THSD7A: variants seen among roughly 807,000 people sequenced by gnomAD.
THSD7A encodes thrombospondin type 1 domain containing 7A, also known as thrombospondin type-1 domain-containing protein 7A.
Under a neutral mutation model 231.3 loss-of-function variants are expected in THSD7A, and 96 were observed. That is an observed-to-expected ratio of 0.41 (90% CI 0.35 to 0.49). The LOEUF (loss-of-function observed/expected upper bound fraction) is 0.49. Ranked by LOEUF, THSD7A falls within the 20% of genes least tolerant of loss-of-function variation. The pLI is 0.05. For synonymous variants in THSD7A, 940 were observed against 743.3 expected (o/e 1.26, Z -4.30); for missense variants, 2,290 against 2,070.2 (o/e 1.11, Z -2.06).
chr7:11,829,802 T>TAA (rs36013878), intron 1 of THSD7A, among the ~76,000 whole-genome samples: 72 of 142,714 alleles, frequency 5.0e-4, no homozygotes, highest in African/African-American at 1.5e-3. Context: ...TTCCCTTTGG[T>TAA]AAAAAAAAAA....
At chr7:11,475,242 C>T (rs1786110882) in intron 7 of THSD7A, among the ~76,000 whole-genome samples, 1 of 152,030 alleles carries the variant, frequency 6.6e-6, no homozygotes, top group African/African-American at 2.4e-5. Context: ...TCTAACGTTT[C>T]CTGCTATTGT....
intron 1 of THSD7A, among the ~76,000 whole-genome samples, chr7:11,778,015 G>A (rs1440314759): frequency 6.7e-6 from 1 of 149,966 alleles, no homozygotes; most frequent in African/African-American, 2.4e-5. Context: ...AAATTAGCCG[G>A]GCGTAGTGGC....
At chr7:11,633,862 T>C (rs532675706) in intron 2 of THSD7A, among the ~76,000 whole-genome samples, 1 of 152,326 alleles carries the variant, frequency 6.6e-6, no homozygotes, top group African/African-American at 2.4e-5. Context: ...GCAGTTACTA[T>C]AATGTAATTT....
intron 1 of THSD7A, among the ~76,000 whole-genome samples, chr7:11,698,948 T>C (rs1261903912): frequency 1.4e-5 from 2 of 146,806 alleles, no homozygotes; most frequent in East Asian, 4.1e-4. Flanking sequence ...CATATTTGCA[T>C]GTAGGTGCCT....
chr7:11,408,410 A>G (rs1342391964), intron 19 of THSD7A, among the ~76,000 whole-genome samples: 2 of 151,882 alleles, frequency 1.3e-5, no homozygotes, highest in East Asian at 1.9e-4. Context: ...AGGCAGGAGA[A>G]TTGCTTGAAC....
intron 4 of THSD7A, among the ~76,000 whole-genome samples, chr7:11,546,481 G>A (rs934888241): frequency 1.6e-4 from 25 of 152,080 alleles, no homozygotes; most frequent in Admixed American, 2.0e-4. Flanking sequence ...GAAATCACCC[G>A]GAAATGAAGC....
In THSD7A at chr7:11,444,632, A is replaced by G. The variant is rs1348094350; in HGVS notation, c.3064+1429T>C. ...TGGGGGGCAGTGGAGGGATAGCATC[A>G]GGAGAAATACCTAATGTAGATGACG... On this transcript the variant is annotated intron_variant, in intron 13 of 27. Coordinates refer to ENST00000423059, the MANE Select transcript of THSD7A (RefSeq NM_015204.3). This position sits in a 1 kb window ranked among gnomAD's most constrained non-coding sequence, Gnocchi z 4.2. 6.6e-6 allele frequency among the ~76,000 whole-genome samples: 1 copy of G among 151,864 alleles called. No individual in the cohort carries two copies. Among genetic ancestry groups the G allele is most frequent in the Non-Finnish European group, 1.5e-5 (1 of 67,964 alleles).
At chr7:11,700,140 C>T (rs1780541197) in intron 1 of THSD7A, among the ~76,000 whole-genome samples, 1 of 151,216 alleles carries the variant, frequency 6.6e-6, no homozygotes, top group East Asian at 2.0e-4. Flanking sequence ...AAGCATACAA[C>T]ATGCTAAAGC....
At chr7:11,509,327 CTT>C (rs1442735270) in intron 6 of THSD7A, among the ~76,000 whole-genome samples, 1 of 152,110 alleles carries the variant, frequency 6.6e-6, no homozygotes, top group Non-Finnish European at 1.5e-5. Flanking sequence ...CAATAACTGA[CTT>C]ATATAATATA....
At chr7:11,651,585 A>G (rs1369479872) in intron 1 of THSD7A, among the ~76,000 whole-genome samples, 1 of 151,948 alleles carries the variant, frequency 6.6e-6, no homozygotes, top group African/African-American at 2.4e-5. Context: ...TCTGAAACTT[A>G]GAGAATACTT....
intron 11 of THSD7A, among the ~76,000 whole-genome samples, chr7:11,450,192 A>G (rs1008495479): frequency 2.0e-5 from 3 of 152,100 alleles, no homozygotes; most frequent in Admixed American, 2.0e-4. Context: ...ACAAAATAAA[A>G]TAACACTACT....
At chr7:11,552,152 C>G (rs1214692770) in intron 4 of THSD7A, among the ~76,000 whole-genome samples, 1 of 152,018 alleles carries the variant, frequency 6.6e-6, no homozygotes, top group African/African-American at 2.4e-5. Context: ...ACATCAGGGC[C>G]TACCTGAGGG....
At chr7:11,820,686 G>C in intron 1 of THSD7A, 1 of 866,412 alleles carries the variant, frequency 1.2e-6, no homozygotes, top group Non-Finnish European at 2.0e-6. Context: ...TTAGTCCCCA[G>C]TCTCGATGTC....
At chr7:11,478,060 A>AT (rs1786267499) in intron 7 of THSD7A, among the ~76,000 whole-genome samples, 1 of 152,156 alleles carries the variant, frequency 6.6e-6, no homozygotes, top group African/African-American at 2.4e-5. Context: ...TTCTCCAGCA[A>AT]TAAAAAAACC....
At chr7:11,447,612 A>G (rs1785014483) in intron 11 of THSD7A, among the ~76,000 whole-genome samples, 188 bp from the exon 12 acceptor site, 1 of 152,118 alleles carries the variant, frequency 6.6e-6, no homozygotes, top group Non-Finnish European at 1.5e-5. Context: ...TTTAAAAATA[A>G]CACACAACCC....
intron 1 of THSD7A, among the ~76,000 whole-genome samples, chr7:11,662,330 A>T (rs1282075568): frequency 6.6e-6 from 1 of 151,334 alleles, no homozygotes; most frequent in Admixed American, 6.6e-5. Context: ...AATAAAATTG[A>T]TAAAAGTATC....
chr7:11,698,971 G>A (rs1459595984), intron 1 of THSD7A, among the ~76,000 whole-genome samples: 3 of 73,836 alleles, frequency 4.1e-5, no homozygotes, highest in African/African-American at 2.2e-4. Flanking sequence ...AAATGTCACT[G>A]ATTTTTTTTT....
intron 8 of THSD7A, among the ~76,000 whole-genome samples, chr7:11,472,804 A>C (rs1316569675): frequency 6.6e-6 from 1 of 152,176 alleles, no homozygotes; most frequent in African/African-American, 2.4e-5. Flanking sequence ...TAACCGTGGG[A>C]CAGGAACAGA....
At chr7:11,645,897 T>C (rs1173505617) in intron 1 of THSD7A, among the ~76,000 whole-genome samples, 3 of 151,874 alleles carry the variant, frequency 2.0e-5, no homozygotes, top group Non-Finnish European at 4.4e-5. Context: ...TGTGGTTTCT[T>C]TGGATGCAGT....
Sources: allele counts gnomAD v4.1 joint callset (sites outside exome capture counted in the v4.1 genomes callset), GRCh38; gene constraint gnomAD v4.1.1; non-coding constraint Gnocchi (gnomAD v3.1); transcripts MANE v1.5; gene names NCBI Gene and HGNC (gene_info 2026-07-23, HGNC 2026-07-21).